UBAC2: variants seen among roughly 807,000 people sequenced by gnomAD.
The protein encoded by UBAC2 is ubiquitin-associated domain-containing protein 2.
In UBAC2, 26 loss-of-function variants were observed where a neutral mutation model predicts 44.0. The ratio of observed to expected loss-of-function variants is 0.59; its 90% CI spans 0.43 to 0.82. UBAC2 has a LOEUF of 0.82. Among genes scored for constraint, UBAC2 ranks in the 40% least tolerant of loss-of-function variants. The pLI is 0.00. For synonymous variants in UBAC2, 155 were observed against 154.3 expected (o/e 1.00, Z -0.04); for missense variants, 329 against 419.4 (o/e 0.78, Z 1.88).
chr13:99,271,002 C>T (rs1791070535), intron 4 of UBAC2, among the ~76,000 whole-genome samples: 1 of 152,112 alleles, frequency 6.6e-6, no homozygotes, highest in African/African-American at 2.4e-5. Flanking sequence ...TTCTCTTTTC[C>T]TCTTGTTAAA....
intron 7 of UBAC2, among the ~76,000 whole-genome samples, chr13:99,363,776 T>A (rs2045295906): frequency 1.3e-5 from 2 of 152,188 alleles, no homozygotes; most frequent in South Asian, 4.1e-4. Context: ...AAAATGGATA[T>A]TGGAAGTGAA....
At chr13:99,252,093 A>G (rs917808450) in intron 4 of UBAC2, among the ~76,000 whole-genome samples, 7 of 152,130 alleles carry the variant, frequency 4.6e-5, no homozygotes, top group Admixed American at 3.9e-4. Context: ...TCCTCATCTG[A>G]CCACCAGCTA....
rs541057286 is a variant in UBAC2, at chr13:99,362,574, T to G, written c.808-5213T>G. On this transcript the variant is annotated intron_variant, in intron 7 of 8. Transcript: ENST00000403766. ...AGTCTTGTGGGTATAAAATAACTTGTTTTCATTTGCCTTTCCCTAACACTA... is the reference window on the plus strand; with the variant it reads ...AGTCTTGTGGGTATAAAATAACTTGGTTTCATTTGCCTTTCCCTAACACTA... Among the ~76,000 whole-genome samples the G allele has an allele frequency of 6.6e-5, 10 of 152,344 alleles. No individual in the cohort carries two copies. In the South Asian group the frequency reaches 2.1e-3, roughly 32 times the overall value.
chr13:99,334,557 A>G (rs1179565685), intron 6 of UBAC2, among the ~76,000 whole-genome samples: 2 of 152,252 alleles, frequency 1.3e-5, no homozygotes, highest in Non-Finnish European at 2.9e-5. Flanking sequence ...CCTGTTTTAC[A>G]TGAAGTAATT....
chr13:99,287,391 G>A (rs1474642643), intron 4 of UBAC2, among the ~76,000 whole-genome samples: 2 of 152,036 alleles, frequency 1.3e-5, no homozygotes, highest in African/African-American at 4.8e-5. Flanking sequence ...AGGCCTGTGG[G>A]TCTGTTTTGA....
chr13:99,352,681 G>A (rs2045112345), intron 7 of UBAC2, among the ~76,000 whole-genome samples: 1 of 152,234 alleles, frequency 6.6e-6, no homozygotes, highest in Non-Finnish European at 1.5e-5. Flanking sequence ...CTATTCCGCA[G>A]AATACACGCA....
intron 6 of UBAC2, among the ~76,000 whole-genome samples, chr13:99,319,697 A>G (rs1386258955): frequency 6.6e-6 from 1 of 152,226 alleles, no homozygotes; most frequent in Non-Finnish European, 1.5e-5. Context: ...GAAGTCTTCA[A>G]AACACCTAAG....
At chr13:99,249,510 G>A (rs922000296) in intron 4 of UBAC2, among the ~76,000 whole-genome samples, 4 of 152,158 alleles carry the variant, frequency 2.6e-5, no homozygotes, top group African/African-American at 4.8e-5. Context: ...ATGTGAGTGC[G>A]TGTGTCTTTT....
chr13:99,307,708 C>G (rs2044356826), intron 4 of UBAC2, among the ~76,000 whole-genome samples: 1 of 151,640 alleles, frequency 6.6e-6, no homozygotes, highest in African/African-American at 2.4e-5. Context: ...TAAACCTTAA[C>G]CAAAAAAAAG....
chr13:99,355,485 G>C (rs919424364), intron 7 of UBAC2, among the ~76,000 whole-genome samples: 3 of 152,220 alleles, frequency 2.0e-5, no homozygotes, highest in African/African-American at 7.2e-5. Context: ...TTCCTGCGCT[G>C]ATGTCCCTGA....
intron 4 of UBAC2, among the ~76,000 whole-genome samples, chr13:99,288,647 G>A (rs1859895168): frequency 6.6e-6 from 1 of 152,136 alleles, no homozygotes; most frequent in Non-Finnish European, 1.5e-5. Flanking sequence ...ACTCTCAACA[G>A]AAAAGTTTCA....
At chr13:99,354,960 G>T (rs186912096) in intron 7 of UBAC2, among the ~76,000 whole-genome samples, 1 of 151,852 alleles carries the variant, frequency 6.6e-6, no homozygotes, top group Non-Finnish European at 1.5e-5. Context: ...GAGGAGAGCT[G>T]AGTCCAGACA....
intron 8 of UBAC2, among the ~76,000 whole-genome samples, chr13:99,378,468 A>C (rs991119657): frequency 2.0e-5 from 3 of 152,186 alleles, no homozygotes; most frequent in Non-Finnish European, 2.9e-5. Flanking sequence ...TGGAGGTTGC[A>C]GTGAGCCGAG....
chr13:99,210,819 C>T (rs2042930166), intron 1 of UBAC2, among the ~76,000 whole-genome samples: 1 of 152,002 alleles, frequency 6.6e-6, no homozygotes, highest in Admixed American at 6.6e-5. Flanking sequence ...ACCGTGTTGG[C>T]CAGGCTGGTC....
intron 1 of UBAC2, among the ~76,000 whole-genome samples, chr13:99,204,578 C>A (rs977886301): frequency 1.3e-5 from 2 of 151,962 alleles, no homozygotes; most frequent in Non-Finnish European, 2.9e-5. Context: ...TGAGGAATGG[C>A]CAAGGAAGTA....
intron 4 of UBAC2, among the ~76,000 whole-genome samples, chr13:99,309,505 C>A (rs773886281): frequency 3.9e-5 from 6 of 152,208 alleles, no homozygotes; most frequent in African/African-American, 1.4e-4. Context: ...TAGATCATTT[C>A]ATGAGCTCAC....
chr13:99,348,421 G>A (rs1424024128), intron 7 of UBAC2, among the ~76,000 whole-genome samples: 1 of 152,158 alleles, frequency 6.6e-6, no homozygotes, highest in Non-Finnish European at 1.5e-5. Context: ...GCCAGCATTG[G>A]GGCAGGTGTT....
At chr13:99,378,150 A>G (rs972384423) in intron 8 of UBAC2, among the ~76,000 whole-genome samples, 1 of 152,214 alleles carries the variant, frequency 6.6e-6, no homozygotes, top group African/African-American at 2.4e-5. Flanking sequence ...CTGTTGTCAC[A>G]GTCACCTTGA....
chr13:99,315,194 G>A (rs990752707), intron 5 of UBAC2, among the ~76,000 whole-genome samples: 32 of 151,816 alleles, frequency 2.1e-4, no homozygotes, highest in African/African-American at 3.4e-4. Context: ...CCCCCGTACC[G>A]TTACACGCCC....
Sources: allele counts gnomAD v4.1 joint callset (sites outside exome capture counted in the v4.1 genomes callset), GRCh38; gene constraint gnomAD v4.1.1; transcripts MANE v1.5; gene names NCBI Gene and HGNC (gene_info 2026-07-23, HGNC 2026-07-21).